The following CLOCK variants were observed in gnomAD, a reference collection of about 807,000 sequenced individuals.
The protein encoded by CLOCK is clock circadian regulator, also known as circadian locomoter output cycles protein kaput.
Under a neutral mutation model 118.4 loss-of-function variants are expected in CLOCK, and 43 were observed. The observed-to-expected ratio is 0.36, with a 90% confidence interval of 0.28 to 0.47. The LOEUF is 0.47. Among genes scored for constraint, CLOCK ranks in the 20% least tolerant of loss-of-function variants. The probability of loss-of-function intolerance (pLI) is 1.00; values close to 1 mark genes in which losing one functional copy is unlikely to be tolerated. For synonymous variants in CLOCK, 326 were observed against 339.2 expected, an observed-to-expected ratio of 0.96 and a Z score of 0.43; for missense variants, 846 against 999.9, an observed-to-expected ratio of 0.85 and a Z score of 2.08.
At chr4:55,498,754 C>A (rs35133040) in intron 2 of CLOCK, among the ~76,000 whole-genome samples, 1 of 151,956 alleles carries the variant, frequency 6.6e-6, no homozygotes, top group Non-Finnish European at 1.5e-5. Context: ...CTTTGCATCA[C>A]GTAAGTAGGA....
At chr4:55,501,047 T>A (rs1480706414) in intron 2 of CLOCK, among the ~76,000 whole-genome samples, 1 of 151,974 alleles carries the variant, frequency 6.6e-6, no homozygotes, top group South Asian at 2.1e-4. Flanking sequence ...AGAGACGAGG[T>A]CTTGCTATGT....
chr4:55,509,410 A>T (rs1427438619), intron 2 of CLOCK, among the ~76,000 whole-genome samples: 1 of 152,232 alleles, frequency 6.6e-6, no homozygotes, highest in Non-Finnish European at 1.5e-5. Context: ...AACCATTTAC[A>T]AATGCAAACA....
chr4:55,517,987 C>T (rs949421254), intron 1 of CLOCK, among the ~76,000 whole-genome samples: 3 of 152,010 alleles, frequency 2.0e-5, no homozygotes, highest in Non-Finnish European at 2.9e-5. Flanking sequence ...GGAGTCGGAT[C>T]GCAGGACACC....
intron 2 of CLOCK, among the ~76,000 whole-genome samples, chr4:55,495,128 A>G (rs148665897): frequency 2.3e-4 from 35 of 152,244 alleles, no homozygotes; most frequent in African/African-American, 7.9e-4. Context: ...TCAACAAGAA[A>G]TGCCCAAGAC....
chr4:55,452,683 A>G, intron 15 of CLOCK: 1 of 197,006 alleles, frequency 5.1e-6, no homozygotes, highest in Non-Finnish European at 1.0e-5. Flanking sequence ...TCTTTAGGGA[A>G]GATTTTTTTT....
chr4:55,488,621 G>C lies in CLOCK; in HGVS notation c.-44+753C>G, dbSNP rs538117230. On this transcript the variant is annotated intron_variant, in intron 3 of 22. Transcript: ENST00000513440. ...CACTATCTATAAAGCTCTTCTCTCA[G>C]ATCTTCACACAGCTGGCTCCTTTTG... is the stretch of plus-strand genomic sequence containing the variant. Among the ~76,000 whole-genome samples, 8 of 152,176 alleles carry C rather than the reference G, an allele frequency of 5.3e-5. No individual in the cohort carries two copies. In the South Asian group the frequency reaches 1.4e-3, roughly 28 times the overall value.
intron 11 of CLOCK, 53 bp downstream of exon 11, chr4:55,458,839 G>C: frequency 1.6e-6 from 2 of 1,272,824 alleles, no homozygotes; most frequent in Non-Finnish European, 2.3e-6. Context: ...GTTTCAGGCA[G>C]CTCTCAGCAT....
intron 1 of CLOCK, among the ~76,000 whole-genome samples, chr4:55,532,092 G>A (rs1038130859): frequency 6.6e-6 from 1 of 151,856 alleles, no homozygotes; most frequent in African/African-American, 2.4e-5. Context: ...TCCAATTGAC[G>A]AACAAATGCA....
Position 55,469,252 on chromosome 4 carries a change from C to T in CLOCK, c.438+1465G>A, listed in dbSNP as rs1184649199. 3.3e-5 allele frequency among the ~76,000 whole-genome samples: 5 copies of T among 151,946 alleles called. No individual in the cohort carries two copies. In the East Asian group the frequency reaches 7.7e-4, roughly 24 times the overall value. ...GCGATTCTACAGGCATGTGCCACCA[C>T]GCCCGGCTAATTTTGTATTTTTAGT... On this transcript the variant is annotated intron_variant, in intron 8 of 22. Coordinates refer to ENST00000513440, the MANE Select transcript of CLOCK (RefSeq NM_004898.4).
At chr4:55,543,060 G>C (rs1299185268) in intron 1 of CLOCK, among the ~76,000 whole-genome samples, 1 of 152,064 alleles carries the variant, frequency 6.6e-6, no homozygotes, top group Admixed American at 6.5e-5. Context: ...ACTACGGTGT[G>C]CACCACCCCA....
intron 15 of CLOCK, among the ~76,000 whole-genome samples, chr4:55,451,051 A>G (rs1383087636): frequency 6.6e-6 from 1 of 151,306 alleles, no homozygotes; most frequent in Non-Finnish European, 1.5e-5. Context: ...AAAAAAAAAA[A>G]GGCAAAAAAT....
intron 1 of CLOCK, among the ~76,000 whole-genome samples, chr4:55,523,922 G>A (rs2110069168): frequency 6.6e-6 from 1 of 152,074 alleles, no homozygotes; most frequent in East Asian, 1.9e-4. Flanking sequence ...CAATTAAAAT[G>A]AGCAATCCAA....
rs1470823112 is a variant in CLOCK at position 55,456,304 on chromosome 4, C to G, written c.793-4G>C. 1 of 1,518,198 alleles carries G rather than the reference C, an allele frequency of 6.6e-7. No individual in the cohort carries two copies. 94.0% of individuals were successfully genotyped at this position (1,518,198 alleles called of 1,614,324 possible). On this transcript the variant is annotated splice_region_variant and splice_polypyrimidine_tract_variant and intron_variant, in intron 11 of 22. Coordinates refer to ENST00000513440, the MANE Select transcript of CLOCK (RefSeq NM_004898.4). ...GTTCTTCAACAGTGCACATTTCCTA[C>G]AAATAAATAATTAAAATTTATAAAT...
At chr4:55,443,311 C>A (rs1723520931) in intron 20 of CLOCK, among the ~76,000 whole-genome samples, 3 of 151,860 alleles carry the variant, frequency 2.0e-5, no homozygotes, top group Non-Finnish European at 4.4e-5. Context: ...CCCATCTCTA[C>A]TAAAAATATG....
chr4:55,545,723 T>C (rs1171181407), intron 1 of CLOCK: 1 of 152,164 alleles, frequency 6.6e-6, no homozygotes, highest in Non-Finnish European at 1.5e-5. Flanking sequence ...TTTCAAAGAA[T>C]ATAAACTCTG....
rs1560408726 is a variant in CLOCK, at chr4:55,435,024, G to A, written c.*391C>T. 3.8e-6 allele frequency: 1 copy of A among 264,724 alleles called. No homozygotes were observed. The highest frequency in any genetic ancestry group is 7.5e-6 in the Non-Finnish European group (1 of 133,222). 16.4% of individuals were successfully genotyped at this position (264,724 alleles called of 1,614,324 possible). A position where few individuals can be genotyped will look rare whatever the true frequency, so the allele number is the denominator to read the frequency against. ...CTGTAAGCAAACCCCTGACATGGCA[G>A]TGGTATGTCCTCTGTAACACTTGAT... On this transcript the variant is annotated 3_prime_UTR_variant, in exon 23 of 23. Coordinates refer to ENST00000513440, the MANE Select transcript of CLOCK (RefSeq NM_004898.4).
chr4:55,536,473 T>G (rs1007268985), intron 1 of CLOCK, among the ~76,000 whole-genome samples: 4 of 151,948 alleles, frequency 2.6e-5, no homozygotes, highest in African/African-American at 9.7e-5. Flanking sequence ...AATAAGTGAG[T>G]TCACACAAGA....
At chr4:55,469,281 C>G (rs6846427) in intron 8 of CLOCK, among the ~76,000 whole-genome samples, 105,277 of 151,948 alleles carry the variant, frequency 0.69, 36,756 homozygotes, top group South Asian at 0.81. Flanking sequence ...TTTTAGTAGA[C>G]ACAGGGTCTC....
chr4:55,544,195 C>T lies in CLOCK; in HGVS notation c.-290+2587G>A, dbSNP rs547654463. The stretch of plus-strand genomic sequence containing the variant: ...ACACACACACACACACACACACACA[C>T]ACACCCCAATTTACCTTTCACTGGG... On this transcript the variant is annotated intron_variant, in intron 1 of 22. Transcript: ENST00000513440. 8.2e-3 allele frequency among the ~76,000 whole-genome samples: 1,247 copies of T among 151,712 alleles called. 19 individuals carry two copies. Among genetic ancestry groups the T allele is most frequent in the African/African-American group, 0.029 (1,189 of 41,186 alleles).
Sources: gnomAD v4.1 joint callset for allele counts (sites outside exome capture counted in the v4.1 genomes callset) on GRCh38, gnomAD v4.1.1 for gene constraint, MANE v1.5 for transcripts, NCBI Gene and HGNC (gene_info 2026-07-23, HGNC 2026-07-21) for gene names.